Variants in ZBTB20 observed in about 807,000 individuals in gnomAD.
ZBTB20 encodes the protein zinc finger and BTB domain containing 20, also known as zinc finger and BTB domain-containing protein 20.
Under a neutral mutation model 56.9 loss-of-function variants are expected in ZBTB20, and 9 were observed. The ratio of observed to expected loss-of-function variants is 0.16; its 90% CI spans 0.10 to 0.28. The LOEUF (loss-of-function observed/expected upper bound fraction) is 0.28. Ranked by LOEUF, ZBTB20 falls within the 10% of genes least tolerant of loss-of-function variation. The pLI, the probability that ZBTB20 is intolerant of heterozygous loss-of-function variation, is 1.00. For missense variants in ZBTB20, 655 were observed against 1,003.0 expected, an observed-to-expected ratio of 0.65 and a Z score of 4.69; for synonymous variants, 417 against 420.7, an observed-to-expected ratio of 0.99 and a Z score of 0.11.
chr3:114,994,863 T>C (rs1018022436), intron 2 of ZBTB20, among the ~76,000 whole-genome samples: 1 of 151,890 alleles, frequency 6.6e-6, no homozygotes, highest in African/African-American at 2.4e-5. Flanking sequence ...CAGGGTAGTG[T>C]CTGACCTGGT....
chr3:114,587,022 G>T (rs2055249364), intron 6 of ZBTB20, among the ~76,000 whole-genome samples: 2 of 100,840 alleles, frequency 2.0e-5, no homozygotes, highest in African/African-American at 3.9e-5. Flanking sequence ...TTGAGATGAA[G>T]TCTCACTCTT....
In ZBTB20 at chr3:114,941,164, T is replaced by G. The variant is rs1239951815; in HGVS notation, c.-456+33202A>C. 4.1e-5 allele frequency among the ~76,000 whole-genome samples: 6 copies of G among 146,690 alleles called. 1 individual carries two copies. The highest frequency in any genetic ancestry group is 3.9e-4 in the Admixed American group (6 of 15,202). On this transcript the variant is annotated intron_variant, in intron 3 of 11. Transcript: ENST00000675478. ...GCATCTGTGCAGGGCTAAAGTCATC[T>G]GCTAATCAGCACTAATAATGATGGG... is the stretch of plus-strand genomic sequence containing the variant.
chr3:114,876,776 C>T (rs1214630130), intron 4 of ZBTB20, among the ~76,000 whole-genome samples: 1 of 152,168 alleles, frequency 6.6e-6, no homozygotes, highest in East Asian at 1.9e-4. Context: ...CCATCTGTTC[C>T]TTACCAACTT....
chr3:114,562,438 C>G (rs2052195366), intron 6 of ZBTB20, among the ~76,000 whole-genome samples: 1 of 152,190 alleles, frequency 6.6e-6, no homozygotes, highest in Non-Finnish European at 1.5e-5. Flanking sequence ...GCTGGGATTA[C>G]AGGAGTGAGC....
intron 3 of ZBTB20, among the ~76,000 whole-genome samples, chr3:114,916,640 T>C (rs1169261248): frequency 2.0e-5 from 3 of 152,150 alleles, no homozygotes; most frequent in Non-Finnish European, 4.4e-5. Context: ...TTCTCCCTCA[T>C]GTTTGAAGGA....
At chr3:114,676,799 G>A (rs1196401391) in intron 6 of ZBTB20, among the ~76,000 whole-genome samples, 1 of 134,278 alleles carries the variant, frequency 7.4e-6, no homozygotes. Flanking sequence ...TTTTGGAGAT[G>A]GAGTGTCACT....
chr3:114,949,001 A>G (rs893745441), intron 3 of ZBTB20, among the ~76,000 whole-genome samples: 1 of 146,230 alleles, frequency 6.8e-6, no homozygotes, highest in Non-Finnish European at 1.5e-5. Flanking sequence ...GAGCACAGCT[A>G]AAAGATTTAC....
chr3:114,963,657 G>A (rs959308672), intron 3 of ZBTB20, among the ~76,000 whole-genome samples: 4 of 152,102 alleles, frequency 2.6e-5, no homozygotes, highest in Non-Finnish European at 5.9e-5. Context: ...TTAAAACTAT[G>A]GAGTATTAAA....
At chr3:114,491,571 C>G (rs2042757100) in intron 7 of ZBTB20, among the ~76,000 whole-genome samples, 1 of 152,104 alleles carries the variant, frequency 6.6e-6, no homozygotes, top group South Asian at 2.1e-4. Context: ...GAAGATGTGT[C>G]CCTCCTTCCA....
chr3:114,737,089 T>A (rs1189316382), intron 5 of ZBTB20, among the ~76,000 whole-genome samples: 1 of 152,152 alleles, frequency 6.6e-6, no homozygotes, highest in African/African-American at 2.4e-5. Flanking sequence ...GAGAATATAT[T>A]TTAAGAGCCA....
chr3:115,067,509 A>G (rs904416260), intron 2 of ZBTB20, among the ~76,000 whole-genome samples: 17 of 152,016 alleles, frequency 1.1e-4, no homozygotes, highest in Admixed American at 5.9e-4. Flanking sequence ...AATTTTCAAC[A>G]TAACAGAAAG....
At chr3:114,681,398 T>C (rs1302241546) in intron 6 of ZBTB20, among the ~76,000 whole-genome samples, 1 of 151,988 alleles carries the variant, frequency 6.6e-6, no homozygotes, top group Non-Finnish European at 1.5e-5. Context: ...TGACTTCAGG[T>C]GATCCACCTC....
At chr3:114,965,131 ATC>A (rs1576442021) in intron 3 of ZBTB20, among the ~76,000 whole-genome samples, 1 of 152,168 alleles carries the variant, frequency 6.6e-6, no homozygotes, top group African/African-American at 2.4e-5. Flanking sequence ...TGATATAAAA[ATC>A]TGTTTATAAT....
At chr3:114,539,740 T>A (rs1577390367) in intron 6 of ZBTB20, among the ~76,000 whole-genome samples, 1 of 152,168 alleles carries the variant, frequency 6.6e-6, no homozygotes, top group African/African-American at 2.4e-5. Context: ...TACCCACCCT[T>A]CCAGTTCCCC....
At chr3:114,838,814 C>T (rs1030429293) in intron 4 of ZBTB20, among the ~76,000 whole-genome samples, 3 of 151,756 alleles carry the variant, frequency 2.0e-5, no homozygotes, top group Non-Finnish European at 2.9e-5. Flanking sequence ...AGAAGATATA[C>T]CAAAATAGAC....
chr3:114,683,426 C>T (rs190361967), intron 6 of ZBTB20, among the ~76,000 whole-genome samples: 1 of 152,078 alleles, frequency 6.6e-6, no homozygotes, highest in Admixed American at 6.5e-5. Context: ...GAAGTTGCTG[C>T]AAATTGATTA....
At chr3:115,133,380 A>G (rs1218938082) in intron 1 of ZBTB20, among the ~76,000 whole-genome samples, 3 of 152,174 alleles carry the variant, frequency 2.0e-5, no homozygotes, top group Non-Finnish European at 1.5e-5. Context: ...TTATTAGTGA[A>G]TTAAAATTCA....
At chr3:114,912,444 G>C (rs75806301) in intron 3 of ZBTB20, among the ~76,000 whole-genome samples, 1 of 151,354 alleles carries the variant, frequency 6.6e-6, no homozygotes, top group African/African-American at 2.4e-5. Flanking sequence ...TTTGTTATTA[G>C]GTATACTTTT....
chr3:114,353,705 C>T (rs1463880104), intron 10 of ZBTB20, among the ~76,000 whole-genome samples: 1 of 152,184 alleles, frequency 6.6e-6, no homozygotes, highest in Non-Finnish European at 1.5e-5. Flanking sequence ...GCTGAGTTCG[C>T]CATACATACA....
Sources: allele counts gnomAD v4.1 joint callset (sites outside exome capture counted in the v4.1 genomes callset), GRCh38; gene constraint gnomAD v4.1.1; transcripts MANE v1.5; gene names NCBI Gene and HGNC (gene_info 2026-07-23, HGNC 2026-07-21).